Variants in SIK3 observed in about 807,000 individuals in gnomAD.
The protein encoded by SIK3 is serine/threonine-protein kinase SIK3.
In SIK3, 28 loss-of-function variants were observed where a neutral mutation model predicts 144.2. That is an observed-to-expected ratio of 0.19 (90% CI 0.14 to 0.27). The LOEUF (loss-of-function observed/expected upper bound fraction) is 0.27, where lower values mean the gene tolerates loss of function less well. Among genes scored for constraint, SIK3 ranks in the 10% least tolerant of loss-of-function variants. The pLI is 1.00. For synonymous variants in SIK3, 686 were observed against 676.3 expected (o/e 1.01, Z -0.22); for missense variants, 1,319 against 1,776.0 (o/e 0.74, Z 4.62).
chr11:117,080,690 G>A lies in SIK3; in HGVS notation c.273+17453C>T, dbSNP rs541660195. On this transcript the variant is annotated intron_variant, in intron 1 of 24. Transcript: ENST00000445177. ...GGGCTGGGCACGCTGACTCACACCT[G>A]TAATCCCAGCACTTTGGGAGGCTGA... 1.4e-4 allele frequency among the ~76,000 whole-genome samples: 21 copies of A among 152,256 alleles called. No individual in the cohort carries two copies. The South Asian group carries it at 1.4e-3, about 11-fold the overall frequency.
At chr11:117,058,210 G>T (rs1228455708) in intron 1 of SIK3, among the ~76,000 whole-genome samples, 1 of 152,102 alleles carries the variant, frequency 6.6e-6, no homozygotes, top group African/African-American at 2.4e-5. Flanking sequence ...AAACCAGAAA[G>T]ATCCTGTTAA....
At chr11:116,892,901 C>T (rs1407537994) in intron 6 of SIK3, among the ~76,000 whole-genome samples, 1 of 152,098 alleles carries the variant, frequency 6.6e-6, no homozygotes, top group African/African-American at 2.4e-5. Context: ...GGCTCTCAAG[C>T]CATGAAGAGA....
At chr11:117,082,681 A>G (rs2134024389) in intron 1 of SIK3, among the ~76,000 whole-genome samples, 1 of 152,252 alleles carries the variant, frequency 6.6e-6, no homozygotes, top group East Asian at 1.9e-4. Context: ...GGATAATGAA[A>G]ATGTTCTAAA....
intron 4 of SIK3, among the ~76,000 whole-genome samples, chr11:116,900,395 T>C (rs147312365): frequency 6.6e-6 from 1 of 152,342 alleles, no homozygotes; most frequent in East Asian, 1.9e-4. Context: ...ACTGATGCTA[T>C]TGCTTACTTC....
intron 1 of SIK3, among the ~76,000 whole-genome samples, chr11:116,964,743 T>C (rs1299634765): frequency 1.3e-5 from 2 of 152,016 alleles, no homozygotes; most frequent in Non-Finnish European, 2.9e-5. Flanking sequence ...TAGCCAGGTG[T>C]GGTGGTGGGC....
At chr11:116,896,505 T>C in intron 5 of SIK3, 129 bp from the exon 6 acceptor site, 1 of 965,954 alleles carries the variant, frequency 1.0e-6, no homozygotes, top group South Asian at 1.8e-5. Flanking sequence ...TCTTCCATCT[T>C]AGAACAGTTA....
chr11:116,921,112 G>A (rs368839667), intron 4 of SIK3, among the ~76,000 whole-genome samples: 5 of 152,206 alleles, frequency 3.3e-5, no homozygotes, highest in African/African-American at 1.2e-4. Context: ...GTTAAAAGTC[G>A]GAGGCCAAGA....
intron 1 of SIK3, among the ~76,000 whole-genome samples, chr11:117,061,861 A>C (rs1337547495): frequency 6.6e-6 from 1 of 152,218 alleles, no homozygotes; most frequent in Non-Finnish European, 1.5e-5. Context: ...AAAAAAAGAG[A>C]ATCAATTATA....
At chr11:117,089,455 T>G (rs944184743) in intron 1 of SIK3, among the ~76,000 whole-genome samples, 1 of 150,840 alleles carries the variant, frequency 6.6e-6, no homozygotes, top group East Asian at 1.9e-4. Flanking sequence ...GGTATTGGGG[T>G]GGCAAGAAGA....
At chr11:117,007,076 A>G (rs1262226628) in intron 1 of SIK3, among the ~76,000 whole-genome samples, 1 of 152,192 alleles carries the variant, frequency 6.6e-6, no homozygotes, top group African/African-American at 2.4e-5. Flanking sequence ...CAACAGTTTT[A>G]TATTGAAAAT....
chr11:116,920,161 T>C (rs935678358), intron 4 of SIK3, among the ~76,000 whole-genome samples: 2 of 151,034 alleles, frequency 1.3e-5, no homozygotes, highest in African/African-American at 2.4e-5. Flanking sequence ...GCTCACCCTT[T>C]TTTTTTTTTT....
At chr11:116,870,261 G>A in intron 14 of SIK3, 70 bp downstream of exon 14, 1 of 1,601,556 alleles carries the variant, frequency 6.2e-7, no homozygotes, top group Admixed American at 1.7e-5. Context: ...CTTGGGCAGA[G>A]GTGACCTTTC....
At chr11:117,037,440 T>C (rs1436866544) in intron 1 of SIK3, among the ~76,000 whole-genome samples, 3 of 152,154 alleles carry the variant, frequency 2.0e-5, no homozygotes, top group African/African-American at 4.8e-5. Context: ...ACAAGACTAA[T>C]TGCCACATGA....
At chr11:117,006,899 T>C (rs1951069172) in intron 1 of SIK3, among the ~76,000 whole-genome samples, 1 of 152,188 alleles carries the variant, frequency 6.6e-6, no homozygotes, top group African/African-American at 2.4e-5. Flanking sequence ...TTAATACACT[T>C]ACCATAAAGG....
chr11:117,069,733 T>C (rs12280210), intron 1 of SIK3, among the ~76,000 whole-genome samples: 22,897 of 152,066 alleles, frequency 0.15, 2,431 homozygotes, highest in African/African-American at 0.3. Context: ...ATTTCCAATA[T>C]TGAAGTTTGC....
chr11:117,074,726 C>G (rs772537145), intron 1 of SIK3, among the ~76,000 whole-genome samples: 3 of 151,780 alleles, frequency 2.0e-5, no homozygotes, highest in Non-Finnish European at 4.4e-5. Flanking sequence ...AGTTTGGGAC[C>G]AGTCTAGCCA....
intron 1 of SIK3, among the ~76,000 whole-genome samples, chr11:117,049,776 C>A (rs1223877901): frequency 6.6e-6 from 1 of 151,424 alleles, no homozygotes; most frequent in East Asian, 1.9e-4. Context: ...GGCAACAAAC[C>A]GAGATATCAT....
Position 116,847,485 on chromosome 11 carries a change from C to T in SIK3, c.3943G>A (p.Glu1315Lys). The change falls in exon 23 of 25, where the codon GAA (glutamate) becomes AAA (lysine). Residue 1315 changes from glutamate (E) to lysine (K), a missense_variant. Physicochemically the swap from Glu to Lys is moderately conservative, Grantham distance 56. This residue lies in a region of SIK3 where 646 missense variants were observed against 763.7 expected (regional missense o/e 0.85). Coordinates refer to ENST00000445177, the MANE Select transcript of SIK3 (RefSeq NM_001366686.3). The stretch of plus-strand genomic sequence containing the variant: ...GCATAAGGCTCCTCACCCTCATTTT[C>T]CCCATCCTGAAACTGCTGGCTGCCC... ...LMGSQQFQDG[E>K]NEECGASLGG... The T allele has an allele frequency of 6.2e-7, 1 of 1,614,174 alleles. No individual in the cohort carries two copies. Among genetic ancestry groups the T allele is most frequent in the Non-Finnish European group, 8.5e-7 (1 of 1,180,018 alleles).
At chr11:116,893,896 T>C (rs1242776176) in intron 6 of SIK3, 1 of 166,440 alleles carries the variant, frequency 6.0e-6, no homozygotes, top group Non-Finnish European at 1.5e-5. Context: ...TATTCCTTTT[T>C]TGTTGCAACC....
Sources: gnomAD v4.1 joint callset for allele counts (sites outside exome capture counted in the v4.1 genomes callset) on GRCh38, gnomAD v4.1.1 for gene constraint, gnomAD v4.1.1 regional missense constraint, MANE v1.5 for transcripts, NCBI Gene and HGNC (gene_info 2026-07-23, HGNC 2026-07-21) for gene names.